The following TDRD12 variants were observed in gnomAD, a reference collection of about 807,000 sequenced individuals.
TDRD12 encodes tudor domain containing 12.
TDRD12 carries 158 observed loss-of-function variants against 133.5 expected under a neutral mutation model. That is an observed-to-expected ratio of 1.18 (90% CI 1.04 to 1.35). The LOEUF (loss-of-function observed/expected upper bound fraction) is 1.35, where lower values mean the gene tolerates loss of function less well. Ranked by LOEUF, TDRD12 falls within the 40% of genes most tolerant of loss-of-function variation. The probability of loss-of-function intolerance (pLI) is 0.00; values close to 1 mark genes in which losing one functional copy is unlikely to be tolerated. For synonymous variants in TDRD12, 460 were observed against 477.9 expected (o/e 0.96, Z 0.49); for missense variants, 1,443 against 1,321.3 (o/e 1.09, Z -1.43).
chr19:32,741,469 C>T (rs1445935543), intron 3 of TDRD12, among the ~76,000 whole-genome samples: 1 of 152,248 alleles, frequency 6.6e-6, no homozygotes, highest in Non-Finnish European at 1.5e-5. Context: ...GAGTAGGTGC[C>T]ATTCGAGCTT....
chr19:32,721,903 A>G (rs1968693765), intron 1 of TDRD12, among the ~76,000 whole-genome samples: 1 of 146,534 alleles, frequency 6.8e-6, no homozygotes, highest in Non-Finnish European at 1.5e-5. Context: ...TTTTTAGTAG[A>G]GACGGGGTTT....
At chr19:32,815,649 A>C (rs1206576248) in intron 26 of TDRD12, 29 bp downstream of exon 26, 1 of 1,516,442 alleles carries the variant, frequency 6.6e-7, no homozygotes, top group African/African-American at 1.4e-5. Context: ...CCTTTTTGGA[A>C]GAGTTGTTTT....
At chr19:32,748,834 T>C (rs1029463655) in intron 5 of TDRD12, among the ~76,000 whole-genome samples, 1 of 152,234 alleles carries the variant, frequency 6.6e-6, no homozygotes, top group Non-Finnish European at 1.5e-5. Flanking sequence ...GCAAAATAAA[T>C]TCATGTGGAT....
At chr19:32,765,854 C>T (rs1970282738) in intron 8 of TDRD12, among the ~76,000 whole-genome samples, 2 of 148,774 alleles carry the variant, frequency 1.3e-5, no homozygotes. Context: ...CAAACCTGCA[C>T]ATTGTGCACA....
chr19:32,754,525 A>G (rs186289379), intron 6 of TDRD12, among the ~76,000 whole-genome samples: 43 of 144,770 alleles, frequency 3.0e-4, no homozygotes, highest in African/African-American at 9.7e-4. Context: ...TCATTTTTTT[A>G]AACCTGAGAG....
intron 10 of TDRD12, among the ~76,000 whole-genome samples, chr19:32,775,496 A>T (rs1438615842): frequency 6.6e-6 from 1 of 152,056 alleles, no homozygotes; most frequent in Non-Finnish European, 1.5e-5. Context: ...ACAGCTGGCT[A>T]ACATTTTAAT....
chr19:32,807,267 T>TAAAAAAAAAAAAAAAAA (rs59421213), intron 21 of TDRD12, among the ~76,000 whole-genome samples: 3 of 47,206 alleles, frequency 6.4e-5, no homozygotes, highest in Admixed American at 2.9e-4. Context: ...ACCAAACTCT[T>TAAAAAAAAAAAAAAAAA]AAAAAAAAAA....
intron 11 of TDRD12, among the ~76,000 whole-genome samples, chr19:32,790,212 C>A (rs931189765): frequency 2.0e-5 from 3 of 152,174 alleles, no homozygotes; most frequent in African/African-American, 7.2e-5. Context: ...CTCCTCTCAG[C>A]AGAGGTGACT....
intron 6 of TDRD12, among the ~76,000 whole-genome samples, chr19:32,751,046 C>G (rs761876015): frequency 3.9e-4 from 59 of 152,016 alleles, no homozygotes; most frequent in Non-Finnish European, 7.8e-4. Context: ...CAGATCATCC[C>G]GTGACCTAGG....
intron 3 of TDRD12, among the ~76,000 whole-genome samples, chr19:32,741,785 C>T (rs999781945): frequency 3.9e-5 from 6 of 151,922 alleles, no homozygotes; most frequent in East Asian, 1.9e-4. Flanking sequence ...TGGTGGCTCA[C>T]GCCTGTAATC....
downstream of TDRD12, among the ~76,000 whole-genome samples, chr19:32,823,738 T>G (rs1465020186): frequency 1.3e-5 from 2 of 152,252 alleles, no homozygotes; most frequent in African/African-American, 4.8e-5. Flanking sequence ...CAAGGCCAGC[T>G]GGTCAGAGGA....
downstream of TDRD12, among the ~76,000 whole-genome samples, chr19:32,822,970 T>G (rs1000805410): frequency 6.6e-6 from 1 of 152,212 alleles, no homozygotes; most frequent in African/African-American, 2.4e-5. Flanking sequence ...ATTGATAAAC[T>G]CATCCCATGA....
intron 15 of TDRD12, among the ~76,000 whole-genome samples, 181 bp downstream of exon 15, chr19:32,798,072 T>A (rs1201122846): frequency 6.6e-6 from 1 of 152,236 alleles, no homozygotes; most frequent in Non-Finnish European, 1.5e-5. Context: ...TACGAAGGCT[T>A]GATCTTGACT....
At chr19:32,820,828 AGTCATGCACT>A (rs1967355630) in intron 27 of TDRD12, among the ~76,000 whole-genome samples, 195 bp from the exon 28 acceptor site, 1 of 152,158 alleles carries the variant, frequency 6.6e-6, no homozygotes, top group South Asian at 2.1e-4. Flanking sequence ...GTCCCATGTC[AGTCATGCACT>A]GTGTGCTTGC....
At chr19:32,811,926 C>T (rs1052300911) in intron 24 of TDRD12, among the ~76,000 whole-genome samples, 5 of 152,230 alleles carry the variant, frequency 3.3e-5, no homozygotes, top group Non-Finnish European at 7.4e-5. Flanking sequence ...ACCCTCCAGC[C>T]AAAGAGGGGG....
chr19:32,790,530 G>C lies in TDRD12; in HGVS notation c.1122-1G>C. 2 of 1,551,606 alleles carry C rather than the reference G, an allele frequency of 1.3e-6. No homozygotes were observed. The highest frequency in any genetic ancestry group is 8.7e-7 in the Non-Finnish European group (1 of 1,146,898). On this transcript the variant is annotated splice_acceptor_variant, in intron 11 of 27. Coordinates refer to ENST00000444215, the Ensembl canonical transcript of TDRD12. LOFTEE classifies it high-confidence loss of function. The stretch of plus-strand genomic sequence containing the variant: ...ACATTCTTCTTTTAACTATCTTACA[G>C]ATTACTGCAGTTTTTAAATCCTGAT...
chr19:32,803,145 G>C lies in TDRD12; in HGVS notation c.2552+3G>C. 1.3e-6 allele frequency: 2 copies of C among 1,509,908 alleles called. No individual in the cohort carries two copies. The highest frequency in any genetic ancestry group is 8.8e-7 in the Non-Finnish European group (1 of 1,138,416). 93.5% of individuals were successfully genotyped at this position (1,509,908 alleles called of 1,614,324 possible). ...CTGAAGGCTTTTGGTTTTTGCAAGT[G>C]AGCCAGTAATTTGTTTCTTATTAAA... On this transcript the variant is annotated splice_donor_region_variant and intron_variant, in intron 21 of 27. Transcript: ENST00000444215.
chr19:32,768,279 G>A (rs1970353406), intron 8 of TDRD12, among the ~76,000 whole-genome samples: 1 of 152,066 alleles, frequency 6.6e-6, no homozygotes, highest in Non-Finnish European at 1.5e-5. Context: ...TTCAGATTTT[G>A]TGTGTCCCTG....
At chr19:32,772,323 A>G (rs8113187) in intron 8 of TDRD12, among the ~76,000 whole-genome samples, 91,043 of 151,882 alleles carry the variant, frequency 0.6, 28,355 homozygotes, top group East Asian at 0.83. Context: ...TCGTAATGTC[A>G]CTTTAGAAGT....
Sources: allele counts gnomAD v4.1 joint callset (sites outside exome capture counted in the v4.1 genomes callset), GRCh38; gene constraint gnomAD v4.1.1; transcripts MANE v1.5; gene names NCBI Gene and HGNC (gene_info 2026-07-23, HGNC 2026-07-21).